PTCH1: variants seen among roughly 807,000 people sequenced by gnomAD.
The protein encoded by PTCH1 is protein patched homolog 1.
Under a neutral mutation model 144.6 loss-of-function variants are expected in PTCH1, and 14 were observed. That is an observed-to-expected ratio of 0.10 (90% confidence interval 0.06 to 0.15). The LOEUF is 0.15. Ranked by LOEUF, PTCH1 falls within the 10% of genes least tolerant of loss-of-function variation. PTCH1 has a pLI of 1.00. For missense variants in PTCH1, 1,623 were observed against 1,948.3 expected (o/e 0.83, Z 3.14); for synonymous variants, 833 against 793.6 (o/e 1.05, Z -0.83).
intron 1 of PTCH1, among the ~76,000 whole-genome samples, chr9:95,515,573 GCA>G (rs1275911696): frequency 1.3e-5 from 2 of 152,208 alleles, no homozygotes; most frequent in East Asian, 1.9e-4. Context: ...TCACCCAGAG[GCA>G]CAGTTTCTGG....
intron 15 of PTCH1, among the ~76,000 whole-genome samples, chr9:95,464,637 T>C (rs1224303729): frequency 6.6e-6 from 1 of 152,216 alleles, no homozygotes; most frequent in Non-Finnish European, 1.5e-5. Context: ...GCATGTATGT[T>C]TTAAGATGTG....
chr9:95,507,105 TG>T, intron 1 of PTCH1: 2 of 984,752 alleles, frequency 2.0e-6, no homozygotes, highest in Non-Finnish European at 2.4e-6. Flanking sequence ...CCGCCGAGAA[TG>T]GTAGTAAGTG....
intron 2 of PTCH1, among the ~76,000 whole-genome samples, chr9:95,504,715 A>G (rs1843426419): frequency 6.6e-6 from 1 of 152,102 alleles, no homozygotes; most frequent in Non-Finnish European, 1.5e-5. Flanking sequence ...GCCCATGCCT[A>G]AAATGCCCTC....
chr9:95,500,713 G>A (rs1318522011), intron 2 of PTCH1, among the ~76,000 whole-genome samples: 2 of 152,206 alleles, frequency 1.3e-5, no homozygotes, highest in African/African-American at 4.8e-5. Context: ...ACATCTGGAG[G>A]AGAATGAGAC....
intron 15 of PTCH1, among the ~76,000 whole-genome samples, chr9:95,462,349 C>T (rs1015060809): frequency 2.2e-4 from 33 of 152,160 alleles, no homozygotes; most frequent in African/African-American, 7.2e-4. Flanking sequence ...TTAACCGTTT[C>T]GTGCCACTCG....
In PTCH1 at chr9:95,481,938, C is replaced by A; in HGVS notation, c.746+11G>T. The stretch of plus-strand genomic sequence containing the variant: ...AGTCACAGACATCAGAAAGCATGAT[C>A]ACACACTTACAGGAGGTATGCTGTC... On this transcript the variant is annotated intron_variant, in intron 5 of 23. Transcript: ENST00000331920. 6.3e-7 allele frequency: 1 copy of A among 1,594,576 alleles called. No individual in the cohort carries two copies. Among genetic ancestry groups the A allele is most frequent in the South Asian group, 1.1e-5 (1 of 90,642 alleles).
rs781768965 is a variant in PTCH1, at chr9:95,508,175, C to G, written c.187G>C (p.Glu63Gln). 1.9e-6 allele frequency: 3 copies of G among 1,612,756 alleles called. No homozygotes were observed. The highest frequency in any genetic ancestry group is 1.7e-6 in the Non-Finnish European group (2 of 1,179,786). ...CTGAAATGCACCTTGGAAATCTGCTCCAGAGCGAAGGCGGCGTCGCAGTAG... is the reference window on the plus strand; with the variant it reads ...CTGAAATGCACCTTGGAAATCTGCTGCAGAGCGAAGGCGGCGTCGCAGTAG... Reference protein sequence around the residue: ...PSYCDAAFALEQISKGKATGR... With the variant: ...PSYCDAAFALQQISKGKATGR... The change falls in exon 1 of 24, where the codon GAG becomes CAG. Residue 63 changes from glutamate to glutamine, a missense_variant. Glu to Gln is a conservative substitution (Grantham distance 29). Transcript: ENST00000331920.
chr9:95,470,701 A>C (rs1045694811), intron 12 of PTCH1, among the ~76,000 whole-genome samples: 9 of 152,176 alleles, frequency 5.9e-5, no homozygotes, highest in South Asian at 4.2e-4. Flanking sequence ...CCAGCTCGGA[A>C]GGGCACGGCA....
At position 95,453,605 on chromosome 9, in the gene PTCH1, T is replaced by C. The variant is rs866037881; in HGVS notation, c.3322A>G (p.Ile1108Val). Residue 1108 changes from isoleucine (I) to valine (V), a missense_variant, in exon 20 of 24, where the codon ATC becomes GTC. Transcript: ENST00000331920. ...VHVALAFLTA[I>V]GDKNRRAVLA... ...ACAGCCCTGCGGTTCTTGTCGCCGA[T>C]GGCCGTCAGAAAGGCCTGTGCAATG... The C allele has an allele frequency of 1.2e-6, 2 of 1,613,778 alleles. No homozygotes were observed. The highest frequency in any genetic ancestry group is 1.3e-5 in the African/African-American group (1 of 74,934).
intron 1 of PTCH1, chr9:95,507,096 C>T (rs1180174908): frequency 1.0e-6 from 1 of 985,932 alleles, no homozygotes; most frequent in Non-Finnish European, 1.2e-6. Context: ...ACTGGACCCC[C>T]GCCGAGAATG....
At chr9:95,462,429 TCCC>T (rs1254026775) in intron 15 of PTCH1, among the ~76,000 whole-genome samples, 1 of 151,876 alleles carries the variant, frequency 6.6e-6, no homozygotes, top group Non-Finnish European at 1.5e-5. Flanking sequence ...ACATTCAAAC[TCCC>T]CCAACTTCAA....
intron 2 of PTCH1, among the ~76,000 whole-genome samples, chr9:95,496,194 C>T (rs906350222): frequency 1.3e-5 from 2 of 152,102 alleles, no homozygotes; most frequent in African/African-American, 2.4e-5. Flanking sequence ...TATAGCTGCT[C>T]GGTGCTAATT....
intron 2 of PTCH1, among the ~76,000 whole-genome samples, chr9:95,497,051 T>TA (rs1842842818): frequency 6.6e-6 from 1 of 152,234 alleles, no homozygotes; most frequent in South Asian, 2.1e-4. Flanking sequence ...CACTATTTCT[T>TA]AAAGCCGTTT....
In PTCH1 at chr9:95,444,524, C is replaced by G. The variant is rs963395055; in HGVS notation, c.*1869G>C. The stretch of plus-strand genomic sequence containing the variant: ...ACGCACGCACGCACACACACACACA[C>G]ACACCCAGCAGCCACAAGCGGCTCC... On this transcript the variant is annotated 3_prime_UTR_variant, in exon 24 of 24. Transcript: ENST00000331920. The G allele has an allele frequency of 3.3e-5, 5 of 153,472 alleles. No individual in the cohort carries two copies. Among genetic ancestry groups the G allele is most frequent in the Non-Finnish European group, 7.3e-5 (5 of 68,902 alleles). 9.5% of individuals were successfully genotyped at this position (153,472 alleles called of 1,614,324 possible).
At chr9:95,506,920 A>G in intron 1 of PTCH1, 1 of 1,081,824 alleles carries the variant, frequency 9.2e-7, no homozygotes, top group Non-Finnish European at 1.1e-6. Flanking sequence ...AAACCACTCG[A>G]CACAGACAAT....
chr9:95,502,863 C>A (rs1176181477), intron 2 of PTCH1, among the ~76,000 whole-genome samples: 1 of 152,158 alleles, frequency 6.6e-6, no homozygotes, highest in Non-Finnish European at 1.5e-5. Context: ...GCATGAAAGT[C>A]AATTTGAAGA....
chr9:95,469,748 G>C (rs1211592134), intron 13 of PTCH1, 65 bp downstream of exon 13: 4 of 1,431,414 alleles, frequency 2.8e-6, no homozygotes, highest in Middle Eastern at 1.8e-4. Flanking sequence ...TCCACAGGCT[G>C]AAAGAGTTCT....
intron 19 of PTCH1, 39 bp downstream of exon 19, chr9:95,456,237 G>GT: frequency 1.9e-6 from 3 of 1,610,690 alleles, no homozygotes; most frequent in Non-Finnish European, 2.5e-6. Context: ...GAAATGGGTT[G>GT]TTTTTTCACA....
chr9:95,462,816 G>A (rs894241218), intron 15 of PTCH1, among the ~76,000 whole-genome samples: 1 of 152,228 alleles, frequency 6.6e-6, no homozygotes, highest in Non-Finnish European at 1.5e-5. Context: ...GGGCGAGCCC[G>A]CCAGCACACC....
Sources: allele counts gnomAD v4.1 joint callset (sites outside exome capture counted in the v4.1 genomes callset), GRCh38; gene constraint gnomAD v4.1.1; transcripts MANE v1.5; gene names NCBI Gene and HGNC (gene_info 2026-07-23, HGNC 2026-07-21).